CGGBP1: variants seen among roughly 807,000 people sequenced by gnomAD.
CGGBP1 encodes the protein CGG triplet repeat binding protein 1.
Under a neutral mutation model 11.4 loss-of-function variants are expected in CGGBP1, and 4 were observed. That is an observed-to-expected ratio of 0.35 (90% CI 0.17 to 0.80). The LOEUF is 0.80. Among genes scored for constraint, CGGBP1 ranks in the 30% least tolerant of loss-of-function variants. The pLI, the probability that CGGBP1 is intolerant of heterozygous loss-of-function variation, is 0.52. For missense variants in CGGBP1, 135 were observed against 202.1 expected (o/e 0.67, Z 2.01); for synonymous variants, 76 against 74.1 (o/e 1.03, Z -0.13).
chr3:88,130,555 A>AT (rs929257496), intron 2 of CGGBP1, among the ~76,000 whole-genome samples: 4 of 149,432 alleles, frequency 2.7e-5, no homozygotes, highest in African/African-American at 9.9e-5. Context: ...GGCTCAAGTG[A>AT]TTTTCCCGCC....
chr3:88,063,300 T>G (rs1413532909), upstream of CGGBP1, among the ~76,000 whole-genome samples: 3 of 152,312 alleles, frequency 2.0e-5, no homozygotes, highest in East Asian at 5.8e-4. Flanking sequence ...GGGTACCTTT[T>G]ATGCGTAATG....
chr3:88,106,573 C>T (rs1384107002), intron 2 of CGGBP1, among the ~76,000 whole-genome samples: 1 of 152,156 alleles, frequency 6.6e-6, no homozygotes. Context: ...AAACTCCTGA[C>T]CTCAATTGAT....
At chr3:88,097,693 C>CA (rs1704145107) in intron 2 of CGGBP1, among the ~76,000 whole-genome samples, 1 of 152,162 alleles carries the variant, frequency 6.6e-6, no homozygotes, top group Non-Finnish European at 1.5e-5. Context: ...CAAAACCGCT[C>CA]AACTACATGG....
At chr3:88,091,479 T>C (rs187507515) in intron 2 of CGGBP1, among the ~76,000 whole-genome samples, 1 of 152,296 alleles carries the variant, frequency 6.6e-6, no homozygotes, top group Admixed American at 6.5e-5. Context: ...TTCATCTATA[T>C]AATCTTTGTT....
In CGGBP1 at chr3:88,055,617, C is replaced by T. The variant is rs369284051; in HGVS notation, c.360G>A (p.Lys120=). 125 of 1,614,052 alleles carry T rather than the reference C, an allele frequency of 7.7e-5. No individual in the cohort carries two copies. Among genetic ancestry groups the T allele is most frequent in the Non-Finnish European group, 4.5e-5 (53 of 1,180,012 alleles). ...AAGCACGGACTGCTGGGTGATCAGC[C>T]TTCTCAAGTGGGATGTTGGCTTCCA... The part of the protein sequence containing the change: ...MCLEANIPLE[K]ADHPAVRAFL... Residue 120 remains lysine (K), a synonymous_variant, in exon 4 of 4, where the codon AAG becomes AAA. Coordinates refer to ENST00000482016, the MANE Select transcript of CGGBP1 (RefSeq NM_001008390.2). The surrounding 1 kb of genome is among the most constrained non-coding windows in gnomAD (Gnocchi z 4.2).
intron 2 of CGGBP1, among the ~76,000 whole-genome samples, chr3:88,083,079 T>TTCCTCC (rs1708164634): frequency 6.6e-6 from 1 of 150,786 alleles, no homozygotes; most frequent in Non-Finnish European, 1.5e-5. Flanking sequence ...TTCCTCACTC[T>TTCCTCC]TCCTCCTCCT....
intron 2 of CGGBP1, among the ~76,000 whole-genome samples, chr3:88,082,416 C>T (rs1430676326): frequency 1.3e-5 from 2 of 152,238 alleles, no homozygotes; most frequent in East Asian, 3.8e-4. Context: ...TGAGCCACCA[C>T]ACCTGGCCTG....
At chr3:88,057,972 T>C (rs1418428535) in intron 2 of CGGBP1, 47 bp downstream of exon 2, 2 of 152,250 alleles carry the variant, frequency 1.3e-5, no homozygotes, top group African/African-American at 2.4e-5. Context: ...TATCGTTTGC[T>C]AGATCAAAAG....
intron 2 of CGGBP1, chr3:88,129,864 TG>T: frequency 1.5e-6 from 2 of 1,367,704 alleles, no homozygotes; most frequent in Non-Finnish European, 1.9e-6. Context: ...AATGGTAAGA[TG>T]GGCAACAGAA....
intron 2 of CGGBP1, among the ~76,000 whole-genome samples, chr3:88,088,744 TTATG>T (rs10574923): frequency 0.27 from 39,443 of 148,256 alleles, 5,452 homozygotes; most frequent in East Asian, 0.32. Flanking sequence ...AAACCTTTAT[TTATG>T]TATGTATGTA....
At chr3:88,073,124 G>T (rs1707609402) in intron 2 of CGGBP1, among the ~76,000 whole-genome samples, 1 of 152,136 alleles carries the variant, frequency 6.6e-6, no homozygotes, top group Non-Finnish European at 1.5e-5. Context: ...CTAATGTGTG[G>T]ATCTCCAGAC....
chr3:88,104,403 T>C (rs1158987393), intron 2 of CGGBP1, among the ~76,000 whole-genome samples: 11 of 152,226 alleles, frequency 7.2e-5, no homozygotes, highest in Non-Finnish European at 1.0e-4. Context: ...AGCTTTGCTC[T>C]TGTAGCAAGA....
At chr3:88,129,175 G>A (rs1706289753) in intron 2 of CGGBP1, 2 of 546,538 alleles carry the variant, frequency 3.7e-6, no homozygotes, top group African/African-American at 1.9e-5. Context: ...CATAACTTAA[G>A]GTCATGTTGA....
intron 2 of CGGBP1, among the ~76,000 whole-genome samples, chr3:88,090,807 G>C (rs1442416215): frequency 1.3e-5 from 2 of 152,104 alleles, no homozygotes; most frequent in Non-Finnish European, 2.9e-5. Flanking sequence ...GAAGAATAGG[G>C]ATTGTCTTGG....
intron 2 of CGGBP1, chr3:88,140,734 C>T (rs1324632504): frequency 1.2e-6 from 2 of 1,613,582 alleles, no homozygotes; most frequent in East Asian, 2.2e-5. Context: ...AACACCTTGC[C>T]AGTATCTCAG....
At chr3:88,127,583 G>T (rs1381425615) in intron 2 of CGGBP1, among the ~76,000 whole-genome samples, 1 of 152,144 alleles carries the variant, frequency 6.6e-6, no homozygotes, top group Admixed American at 6.6e-5. Flanking sequence ...TGTGCCCAGA[G>T]GGGAAGAAGC....
intron 2 of CGGBP1, among the ~76,000 whole-genome samples, chr3:88,127,907 T>C (rs1232280757): frequency 6.6e-6 from 1 of 152,208 alleles, no homozygotes; most frequent in Non-Finnish European, 1.5e-5. Context: ...CAAATCAGTG[T>C]TTGCATATCA....
intron 2 of CGGBP1, among the ~76,000 whole-genome samples, chr3:88,107,519 A>T (rs1479658484): frequency 6.6e-6 from 1 of 152,130 alleles, no homozygotes; most frequent in East Asian, 1.9e-4. Flanking sequence ...GCTCTCCTGA[A>T]TTTATGGATT....
intron 1 of CGGBP1, chr3:88,144,349 T>C (rs1408591373): frequency 6.6e-6 from 1 of 152,376 alleles, no homozygotes; most frequent in Non-Finnish European, 1.5e-5. Flanking sequence ...AATACTGTTG[T>C]ATGGATGAAA....
Sources: allele counts gnomAD v4.1 joint callset (sites outside exome capture counted in the v4.1 genomes callset), GRCh38; gene constraint gnomAD v4.1.1; non-coding constraint Gnocchi (gnomAD v3.1); transcripts MANE v1.5; gene names NCBI Gene and HGNC (gene_info 2026-07-23, HGNC 2026-07-21).